The following ABCB1 variants were observed in gnomAD, a reference collection of about 807,000 sequenced individuals.
The protein encoded by ABCB1 is ATP binding cassette subfamily B member 1, also known as ATP-dependent translocase ABCB1.
A neutral mutation model predicts 142.0 loss-of-function variants in ABCB1; 69 were observed. That is an observed-to-expected ratio of 0.49 (90% confidence interval 0.40 to 0.59). ABCB1 has a LOEUF of 0.59. ABCB1 is among the 20% of genes least tolerant of loss of function. The probability of loss-of-function intolerance (pLI) is 0.00; values close to 1 mark genes in which losing one functional copy is unlikely to be tolerated. For synonymous variants in ABCB1, 532 were observed against 539.2 expected (o/e 0.99, Z 0.18); for missense variants, 1,326 against 1,554.7 (o/e 0.85, Z 2.47).
At position 87,504,412 on chromosome 7, in the gene ABCB1, C is replaced by A; in HGVS notation, c.3674G>T (p.Arg1225Leu). 3 of 1,614,092 alleles carry A rather than the reference C, an allele frequency of 1.9e-6. No homozygotes were observed. The highest frequency in any genetic ancestry group is 2.2e-5 in the South Asian group (2 of 91,068). ...QEALDKAREG[R>L]TCIVIAHRLS... ...GCGGTGAGCAATCACAATGCAGGTGCGGCCTTCTCTGGCTTTGTCCAGGGC... is the reference window on the plus strand; with the variant it reads ...GCGGTGAGCAATCACAATGCAGGTGAGGCCTTCTCTGGCTTTGTCCAGGGC... Residue 1225 changes from arginine to leucine, a missense_variant, in exon 28 of 28, where the codon CGC becomes CTC. Arg to Leu is a moderately radical substitution (Grantham distance 102). Transcript: ENST00000622132.
chr7:87,701,872 G>A (rs113152235), intron 1 of ABCB1, among the ~76,000 whole-genome samples: 4,439 of 152,024 alleles, frequency 0.029, 209 homozygotes, highest in African/African-American at 0.1. Flanking sequence ...GGCCGGGCGC[G>A]GTGGCTCACG....
At chr7:87,685,004 A>C (rs1827318030) in intron 1 of ABCB1, among the ~76,000 whole-genome samples, 1 of 152,136 alleles carries the variant, frequency 6.6e-6, no homozygotes, top group South Asian at 2.1e-4. Context: ...ACTCTTAAAA[A>C]TGTAGAATAT....
At chr7:87,608,744 G>T (rs941164871) in intron 1 of ABCB1, among the ~76,000 whole-genome samples, 2 of 152,122 alleles carry the variant, frequency 1.3e-5, no homozygotes, top group Non-Finnish European at 2.9e-5. Flanking sequence ...GCAAGGTCAA[G>T]TTAGTTCAAT....
At chr7:87,610,015 A>C (rs758992760) in intron 1 of ABCB1, among the ~76,000 whole-genome samples, 1 of 152,190 alleles carries the variant, frequency 6.6e-6, no homozygotes, top group Non-Finnish European at 1.5e-5. Context: ...AATTTATCGC[A>C]TGACCTTTTC....
At chr7:87,617,078 C>A (rs943729256) in intron 1 of ABCB1, among the ~76,000 whole-genome samples, 13 of 152,136 alleles carry the variant, frequency 8.5e-5, no homozygotes, top group Non-Finnish European at 1.9e-4. Flanking sequence ...AATTAGAGTT[C>A]TTCCTGAGCC....
intron 1 of ABCB1, among the ~76,000 whole-genome samples, chr7:87,612,313 G>T (rs915448079): frequency 1.3e-5 from 2 of 152,010 alleles, no homozygotes; most frequent in Non-Finnish European, 2.9e-5. Flanking sequence ...TGCTTTTAGG[G>T]TCTTAGTCAT....
At chr7:87,659,475 T>C (rs2130438531) in intron 1 of ABCB1, among the ~76,000 whole-genome samples, 1 of 152,296 alleles carries the variant, frequency 6.6e-6, no homozygotes, top group East Asian at 1.9e-4. Context: ...TTTCTTTATG[T>C]CCCTTTATTC....
intron 1 of ABCB1, among the ~76,000 whole-genome samples, chr7:87,655,518 T>G (rs1824008748): frequency 6.6e-6 from 1 of 152,180 alleles, no homozygotes; most frequent in African/African-American, 2.4e-5. Context: ...TCTAAAAAAG[T>G]TGAATTCGTA....
intron 5 of ABCB1, among the ~76,000 whole-genome samples, chr7:87,569,943 A>T (rs1817965497): frequency 1.3e-5 from 2 of 152,186 alleles, no homozygotes; most frequent in African/African-American, 4.8e-5. Flanking sequence ...TATTAATATG[A>T]TATTCTACAT....
rs1019157312 is a variant in ABCB1 at position 87,661,272 on chromosome 7, A to G, written c.-331+51889T>C. Among the ~76,000 whole-genome samples, 3 of 151,892 alleles carry G rather than the reference A, an allele frequency of 2.0e-5. No homozygotes were observed. The East Asian group carries it at 5.8e-4, about 29-fold the overall frequency. ...TTTTTGCATTACAAACAATTCAATT[A>G]TACTCTTTTAGTTATTTTTAAATAT... On this transcript the variant is annotated intron_variant, in intron 1 of 28. Transcript: ENST00000265724.
intron 3 of ABCB1, among the ~76,000 whole-genome samples, chr7:87,593,023 T>A (rs543057505): frequency 1.3e-5 from 2 of 151,346 alleles, no homozygotes; most frequent in East Asian, 3.9e-4. Flanking sequence ...ACCTCCTGGG[T>A]TCAAGTGATC....
intron 1 of ABCB1, among the ~76,000 whole-genome samples, chr7:87,610,386 C>A (rs1336823694): frequency 6.8e-6 from 1 of 147,292 alleles, no homozygotes; most frequent in Non-Finnish European, 1.5e-5. Context: ...TACATACTAC[C>A]ACACCTGGCC....
At chr7:87,617,084 G>A (rs995663033) in intron 1 of ABCB1, among the ~76,000 whole-genome samples, 1 of 152,132 alleles carries the variant, frequency 6.6e-6, no homozygotes, top group Non-Finnish European at 1.5e-5. Flanking sequence ...AGTTCTTCCT[G>A]AGCCTGCAAT....
intron 1 of ABCB1, among the ~76,000 whole-genome samples, chr7:87,642,970 T>C (rs533350589): frequency 6.6e-6 from 1 of 152,264 alleles, no homozygotes; most frequent in Non-Finnish European, 1.5e-5. Context: ...GGCTGGAGTG[T>C]AGACGCATGA....
intron 1 of ABCB1, among the ~76,000 whole-genome samples, chr7:87,654,644 A>G (rs1175259419): frequency 6.6e-6 from 1 of 152,130 alleles, no homozygotes; most frequent in Non-Finnish European, 1.5e-5. Context: ...CATAGGGAAA[A>G]GGCTCCATGA....
intron 1 of ABCB1, among the ~76,000 whole-genome samples, chr7:87,664,300 G>T (rs946536057): frequency 6.6e-6 from 1 of 152,008 alleles, no homozygotes; most frequent in Non-Finnish European, 1.5e-5. Flanking sequence ...GATAGCAGCT[G>T]CACTCAAGCC....
intron 1 of ABCB1, among the ~76,000 whole-genome samples, chr7:87,643,928 G>A (rs887769625): frequency 4.6e-5 from 7 of 151,618 alleles, no homozygotes; most frequent in South Asian, 2.1e-4. Context: ...GCACCATCTC[G>A]GCTCACTGCA....
At chr7:87,712,702 A>C (rs796554081) in intron 1 of ABCB1, among the ~76,000 whole-genome samples, 4 of 152,056 alleles carry the variant, frequency 2.6e-5, no homozygotes, top group Admixed American at 2.0e-4. Flanking sequence ...ATGCTTTTTC[A>C]TAGAAAGGAA....
At chr7:87,545,153 T>C (rs535927082) in intron 15 of ABCB1, among the ~76,000 whole-genome samples, 154 bp from the exon 16 acceptor site, 1 of 151,308 alleles carries the variant, frequency 6.6e-6, no homozygotes, top group South Asian at 2.1e-4. Context: ...TATGTGTGTC[T>C]GTGTGTGTCT....
Sources: gnomAD v4.1 joint callset for allele counts (sites outside exome capture counted in the v4.1 genomes callset) on GRCh38, gnomAD v4.1.1 for gene constraint, MANE v1.5 for transcripts, NCBI Gene and HGNC (gene_info 2026-07-23, HGNC 2026-07-21) for gene names.